Variants in TTN observed in about 807,000 individuals in gnomAD.
TTN encodes connectin.
TTN carries 1,525 observed loss-of-function variants against 3,223.0 expected under a neutral mutation model. The observed-to-expected ratio is 0.47, with a 90% CI of 0.45 to 0.49. TTN has a LOEUF of 0.49. Among genes scored for constraint, TTN ranks in the 20% least tolerant of loss-of-function variants. The pLI, the probability that TTN is intolerant of heterozygous loss-of-function variation, is 0.00. For missense variants in TTN, 40,786 were observed against 43,424.0 expected, an observed-to-expected ratio of 0.94 and a Z score of 5.40; for synonymous variants, 14,094 against 15,161.0, an observed-to-expected ratio of 0.93 and a Z score of 5.17.
intron 244 of TTN, 26 bp downstream of exon 244, chr2:178,621,814 T>C: frequency 6.2e-7 from 1 of 1,611,022 alleles, no homozygotes; most frequent in East Asian, 2.2e-5. Context: ...ACACATATAC[T>C]TCACAAAGAA....
chr2:178,720,898 C>G (rs1560673942), intron 79 of TTN, 23 bp downstream of exon 79: 2 of 1,546,240 alleles, frequency 1.3e-6, no homozygotes, highest in Admixed American at 2.0e-5. Context: ...AATAAAGAAA[C>G]AAAGAAGCTT....
rs1046078803 is a variant in TTN, at chr2:178,608,406, C to G, written c.52477G>C (p.Glu17493Gln). The G allele has an allele frequency of 3.1e-6, 5 of 1,609,806 alleles. No homozygotes were observed. Among genetic ancestry groups the G allele is most frequent in the Non-Finnish European group, 3.4e-6 (4 of 1,177,834 alleles). ...ATGGGGCTTCCATTATCTTTTGGTTCATTCCATTTCACTAGCATACTGTTG... is the reference window on the plus strand; with the variant it reads ...ATGGGGCTTCCATTATCTTTTGGTTGATTCCATTTCACTAGCATACTGTTG... ...TSNSMLVKWN[E>Q]PKDNGSPILG... Residue 17493 changes from glutamate to glutamine, a missense_variant, in exon 275 of 363, where the codon GAA (glutamate) becomes CAA (glutamine). Physicochemically the swap from Glu to Gln is conservative, Grantham distance 29. Transcript: ENST00000589042.
chr2:178,649,809 A>G lies in TTN; in HGVS notation c.39895+8T>C, dbSNP rs990600164. On this transcript the variant is annotated splice_region_variant and intron_variant, in intron 211 of 362. Coordinates refer to ENST00000589042, the MANE Select transcript of TTN (RefSeq NM_001267550.2). ...ACAAAAATGAAGTATTCATTTTAAC[A>G]TGAGTACCTTTAGGAGGCGGTGCTT... The G allele has an allele frequency of 1.2e-5, 19 of 1,611,168 alleles. No individual in the cohort carries two copies. The highest frequency in any genetic ancestry group is 1.7e-4 in the Middle Eastern group (1 of 6,040).
At chr2:178,730,479 G>A in intron 61 of TTN, 26 bp downstream of exon 61, 1 of 1,580,008 alleles carries the variant, frequency 6.3e-7, no homozygotes, top group Non-Finnish European at 8.6e-7. Flanking sequence ...GTAAGTTCTT[G>A]ATAAGTGGAA....
rs745421965 is a variant in TTN, at chr2:178,535,150, G to A, written c.101465C>T (p.Ala33822Val). ...TKELYEKYMI[A>V]EDLGRGEFGI... is the part of the protein sequence containing the mutation. Reference sequence around the variant, plus strand: ...AAACTCACCACGCCCAAGATCTTCAGCAATCATATATTTCTCATAGAGTTC... The same window carrying A: ...AAACTCACCACGCCCAAGATCTTCAACAATCATATATTTCTCATAGAGTTC... The change falls in exon 358 of 363, where the codon GCT becomes GTT. Residue 33822 changes from alanine to valine, a missense_variant. By Grantham distance (64) the Ala-to-Val change is moderately conservative. Coordinates refer to ENST00000589042, the MANE Select transcript of TTN (RefSeq NM_001267550.2). 2 of 1,613,690 alleles carry A rather than the reference G, an allele frequency of 1.2e-6. No individual in the cohort carries two copies. The highest frequency in any genetic ancestry group is 2.2e-5 in the East Asian group (1 of 44,884).
rs1687597849 is a variant in TTN, at chr2:178,528,584, A to C, written c.107167T>G (p.Cys35723Gly). The change falls in exon 360 of 363, where the codon TGT (cysteine) becomes GGT (glycine). Residue 35723 changes from cysteine to glycine, a missense_variant. Physicochemically the swap from Cys to Gly is radical, Grantham distance 159. Coordinates refer to ENST00000589042, the MANE Select transcript of TTN (RefSeq NM_001267550.2). ...GGGGATGGCTCGCCACTGATTTCAC[A>C]AGTAAAGAGAACATTTTGTCCTTCA... is the stretch of plus-strand genomic sequence containing the variant. The part of the protein sequence containing the change: ...INEGQNVLFT[C>G]EISGEPSPEI... 1.9e-6 allele frequency: 3 copies of C among 1,613,002 alleles called. No individual in the cohort carries two copies. Among genetic ancestry groups the C allele is most frequent in the Admixed American group, 1.7e-5 (1 of 59,870 alleles).
intron 47 of TTN, 146 bp from the exon 48 acceptor site, chr2:178,742,067 G>A (rs1287421942): frequency 2.8e-6 from 2 of 723,766 alleles, no homozygotes; most frequent in Non-Finnish European, 3.8e-6. Context: ...GTATCAAAAA[G>A]CACATTTCTA....
In TTN at chr2:178,568,110, C is replaced by T. The variant is rs748315674; in HGVS notation, c.78022G>A (p.Val26008Ile). Residue 26008 changes from valine to isoleucine, a missense_variant, in exon 326 of 363, where the codon GTC becomes ATC. Val to Ile is a conservative substitution (Grantham distance 29). Transcript: ENST00000589042. ...FATAISKDSMVIQWHEPVNNG... is the reference protein window; with the variant it reads ...FATAISKDSMIIQWHEPVNNG... ...TTGACTGGTTCATGCCACTGTATGA[C>T]CATGGAGTCTTTGGAAATGGCTGTG... is the stretch of plus-strand genomic sequence containing the variant. The T allele has an allele frequency of 2.5e-6, 4 of 1,613,376 alleles. No individual in the cohort carries two copies. Among genetic ancestry groups the T allele is most frequent in the Non-Finnish European group, 3.4e-6 (4 of 1,179,588 alleles).
chr2:178,571,293 G>A lies in TTN; in HGVS notation c.74839C>T (p.Arg24947Cys), dbSNP rs744426. ...CAGAGGATGCTATTTCTTTCCTTGC[G>A]TTCTAGATGATAGCCAATGACTCTA... ...GSRVIGYHLE[R>C]KERNSILWVK... The change falls in exon 326 of 363, where the codon CGC becomes TGC. Residue 24947 changes from arginine to cysteine, a missense_variant. By Grantham distance (180) the Arg-to-Cys change is radical. Transcript: ENST00000589042. 245,381 of 1,613,086 alleles carry A rather than the reference G, an allele frequency of 0.15. 21,744 individuals are homozygous for A. Among genetic ancestry groups the A allele is most frequent in the East Asian group, 0.43 (19,420 of 44,764 alleles).
Position 178,732,093 on chromosome 2 carries a change from G to A in TTN, c.16876C>T (p.His5626Tyr). 1 of 1,611,728 alleles carries A rather than the reference G, an allele frequency of 6.2e-7. No homozygotes were observed. The highest frequency in any genetic ancestry group is 8.5e-7 in the Non-Finnish European group (1 of 1,178,386). Reference protein sequence around the residue: ...CEAQNEAGSDHCSSIVIVKES... With the variant: ...CEAQNEAGSDYCSSIVIVKES... ...TTGACTATTACAATGCTACTGCAGTGGTCACTGCCAGCCTCATTTTGGGCC... is the reference window on the plus strand; with the variant it reads ...TTGACTATTACAATGCTACTGCAGTAGTCACTGCCAGCCTCATTTTGGGCC... Residue 5626 changes from histidine (H) to tyrosine (Y), a missense_variant, in exon 57 of 363, where the codon CAC becomes TAC. Transcript: ENST00000589042.
chr2:178,693,543 G>A, intron 119 of TTN, 66 bp downstream of exon 119: 1 of 1,142,108 alleles, frequency 8.8e-7, no homozygotes, highest in Non-Finnish European at 1.2e-6. Context: ...TAACATAAAT[G>A]TTTTACTATG....
rs750296112 is a variant in TTN, at chr2:178,630,820, G to T, written c.44138C>A (p.Ala14713Asp). 1.2e-6 allele frequency: 2 copies of T among 1,613,026 alleles called. No individual in the cohort carries two copies. Among genetic ancestry groups the T allele is most frequent in the Non-Finnish European group, 8.5e-7 (1 of 1,179,330 alleles). The change falls in exon 238 of 363, where the codon GCC becomes GAC. Residue 14713 changes from alanine (A) to aspartate (D), a missense_variant. Transcript: ENST00000589042. ...TAGCCTTACAGGTGTTTGGAGTAGG[G>T]CCTCTCCCTTGAGTTTCCAGTTGGC... is the stretch of plus-strand genomic sequence containing the variant. Reference protein sequence around the residue: ...IHANWKLKGEALLQTPDCEIK... With the variant: ...IHANWKLKGEDLLQTPDCEIK...
chr2:178,763,551 G>A (rs2154339297), intron 43 of TTN, among the ~76,000 whole-genome samples: 1 of 152,218 alleles, frequency 6.6e-6, no homozygotes. Context: ...CCAAATTCTA[G>A]GCACTAAAAC....
chr2:178,701,716 A>G, intron 109 of TTN, 129 bp from the exon 110 acceptor site: 2 of 910,510 alleles, frequency 2.2e-6, no homozygotes, highest in East Asian at 2.6e-5. Flanking sequence ...TAATATACAG[A>G]CAAAATAATA....
At position 178,592,114 on chromosome 2, in the gene TTN, T is replaced by C. The variant is rs1466996929; in HGVS notation, c.59790A>G (p.Thr19930=). Residue 19930 remains threonine (T), a synonymous_variant, in exon 302 of 363, where the codon ACA becomes ACG. Coordinates refer to ENST00000589042, the MANE Select transcript of TTN (RefSeq NM_001267550.2). ...TAGCGAAGTGACTCTTTTTCTTTGA[T>C]GTAGCTGAGAGAGGTGACCACTGGG... ...ASAQWSPLSA[T]SKKKSHFAKH... 3.7e-6 allele frequency: 6 copies of C among 1,612,982 alleles called. No individual in the cohort carries two copies. The highest frequency in any genetic ancestry group is 5.1e-6 in the Non-Finnish European group (6 of 1,179,502).
chr2:178,751,542 C>A, intron 47 of TTN: 2 of 1,613,366 alleles, frequency 1.2e-6, no homozygotes, highest in Non-Finnish European at 1.7e-6. Context: ...AAAGCCTCCA[C>A]ATTTTCATGT....
rs794729585 is a variant in TTN at position 178,764,739 on chromosome 2, C to T, written c.9776G>A (p.Cys3259Tyr). The T allele has an allele frequency of 3.7e-6, 6 of 1,613,896 alleles. No homozygotes were observed. Among genetic ancestry groups the T allele is most frequent in the Non-Finnish European group, 5.1e-6 (6 of 1,179,998 alleles). Reference protein sequence around the residue: ...TVQSGKPARFCAVISGRPQPK... With the variant: ...TVQSGKPARFYAVISGRPQPK... The stretch of plus-strand genomic sequence containing the variant: ...CTGTGGTCTTCCGGATATCACGGCA[C>T]AGAAGCGGGCAGGCTTGCCAGACTG... The change falls in exon 42 of 363, where the codon TGT (cysteine) becomes TAT (tyrosine). Residue 3259 changes from cysteine (C) to tyrosine (Y), a missense_variant. Transcript: ENST00000589042.
Position 178,768,681 on chromosome 2 carries a change from TA to T in TTN, c.9154del (p.Tyr3052MetfsTer7). ...AGKATSTATL[Y>X]VEARHIEFRK... ...TATGTATGAAACCATACCTTCCACA[TA>T]AAGTGTGGCTGTTGATGTTGCTTTT... On this transcript the variant is annotated frameshift_variant, in exon 38 of 363. Transcript: ENST00000589042. LOFTEE classifies it high-confidence loss of function. 1 of 1,614,122 alleles carries T rather than the reference TA, an allele frequency of 6.2e-7. No homozygotes were observed. Among genetic ancestry groups the T allele is most frequent in the Non-Finnish European group, 8.5e-7 (1 of 1,180,016 alleles).
rs368081453 is a variant in TTN, at chr2:178,712,496, C to T, written c.27426G>A (p.Ser9142=). The change falls in exon 95 of 363, where the codon TCG becomes TCA. Residue 9142 remains serine, a synonymous_variant. Coordinates refer to ENST00000589042, the MANE Select transcript of TTN (RefSeq NM_001267550.2). ...TTATGCCATTTTTCTTCCAGGTAAC[C>T]GAAATGGGAGGAGTTCCAGTGAATG... ...EGTFTGTPPI[S]VTWKKNGINV... 34 of 1,613,678 alleles carry T rather than the reference C, an allele frequency of 2.1e-5. No individual in the cohort carries two copies. The highest frequency in any genetic ancestry group is 1.5e-4 in the South Asian group (14 of 91,074).
Sources: gnomAD v4.1 joint callset for allele counts (sites outside exome capture counted in the v4.1 genomes callset) on GRCh38, gnomAD v4.1.1 for gene constraint, MANE v1.5 for transcripts, NCBI Gene and HGNC (gene_info 2026-07-23, HGNC 2026-07-21) for gene names.